Variants in ERBIN observed in about 807,000 individuals in gnomAD.
ERBIN encodes the protein erbb2 interacting protein.
ERBIN carries 60 observed loss-of-function variants against 158.4 expected under a neutral mutation model. That is an observed-to-expected ratio of 0.38 (90% CI 0.31 to 0.47). ERBIN has a LOEUF of 0.47. Ranked by LOEUF, ERBIN falls within the 20% of genes least tolerant of loss-of-function variation. The probability of loss-of-function intolerance (pLI) is 0.99; values close to 1 mark genes in which losing one functional copy is unlikely to be tolerated. For missense variants in ERBIN, 1,610 were observed against 1,648.0 expected (o/e 0.98, Z 0.40); for synonymous variants, 594 against 557.2 (o/e 1.07, Z -0.93).
chr5:66,037,298 G>A (rs1280492062), intron 14 of ERBIN, among the ~76,000 whole-genome samples: 1 of 151,990 alleles, frequency 6.6e-6, no homozygotes, highest in Admixed American at 6.6e-5. Context: ...GATTGACTAT[G>A]GAAGGTATGG....
chr5:66,058,621 C>T (rs1024932246), intron 21 of ERBIN, among the ~76,000 whole-genome samples: 4 of 150,304 alleles, frequency 2.7e-5, no homozygotes, highest in Non-Finnish European at 4.4e-5. Context: ...ATGCCTATGT[C>T]CTGAATGGTA....
intron 1 of ERBIN, among the ~76,000 whole-genome samples, chr5:65,940,993 G>C (rs1189625852): frequency 6.6e-6 from 1 of 152,116 alleles, no homozygotes; most frequent in Non-Finnish European, 1.5e-5. Context: ...TCTGCCTTGT[G>C]ATCCTGTTGA....
chr5:66,053,478 C>T lies in ERBIN; in HGVS notation c.2160C>T (p.Phe720=). 1 of 1,602,466 alleles carries T rather than the reference C, an allele frequency of 6.2e-7. No homozygotes were observed. Among genetic ancestry groups the T allele is most frequent in the Non-Finnish European group, 8.5e-7 (1 of 1,176,484 alleles). The change falls in exon 21 of 26, where the codon TTC becomes TTT. Residue 720 remains phenylalanine (F), a synonymous_variant. Coordinates refer to ENST00000284037, the MANE Select transcript of ERBIN (RefSeq NM_001253697.2). ...DILNSSTEEK[F]KAHDKKDFNL... Reference sequence around the variant, plus strand: ...TAAACAGTTCAACAGAGGAAAAGTTCAAAGCTCATGATAAAAAAGATTTTA... The same window carrying T: ...TAAACAGTTCAACAGAGGAAAAGTTTAAAGCTCATGATAAAAAAGATTTTA...
At chr5:65,968,644 T>C (rs1305590082) in intron 1 of ERBIN, among the ~76,000 whole-genome samples, 2 of 152,160 alleles carry the variant, frequency 1.3e-5, no homozygotes, top group African/African-American at 4.8e-5. Flanking sequence ...CACTGCAACC[T>C]CCACCTCCTG....
intron 3 of ERBIN, among the ~76,000 whole-genome samples, 198 bp from the exon 4 acceptor site, chr5:65,994,549 G>A (rs1284796958): frequency 6.6e-6 from 1 of 152,106 alleles, no homozygotes; most frequent in African/African-American, 2.4e-5. Context: ...TAAGGTAGAA[G>A]TATGAAGATA....
At chr5:65,988,926 T>C (rs1261511749) in intron 2 of ERBIN, among the ~76,000 whole-genome samples, 4 of 134,018 alleles carry the variant, frequency 3.0e-5, no homozygotes, top group East Asian at 4.3e-4. Context: ...GAGGCTGCAG[T>C]GAGCCAAGAT....
At chr5:65,958,655 C>T (rs1432856716) in intron 1 of ERBIN, among the ~76,000 whole-genome samples, 1 of 84,864 alleles carries the variant, frequency 1.2e-5, no homozygotes, top group Non-Finnish European at 2.2e-5. Flanking sequence ...AGAGGGAGAC[C>T]GTGAGGGAGG....
At chr5:66,065,920 A>G (rs1299884426) in intron 21 of ERBIN, among the ~76,000 whole-genome samples, 3 of 152,090 alleles carry the variant, frequency 2.0e-5, no homozygotes, top group South Asian at 2.1e-4. Context: ...CTGAGAGTTT[A>G]ATGTGATTCT....
rs994479267 is a variant in ERBIN at position 65,992,992 on chromosome 5, C to G, written c.189+85C>G. On this transcript the variant is annotated intron_variant, in intron 3 of 25. Transcript: ENST00000284037. ...TATTCCTAATATTGCTATAAAGTTG[C>G]CAATATATTTGTGTGGTTGAATTTT... is the stretch of plus-strand genomic sequence containing the variant. 7 of 1,089,192 alleles carry G rather than the reference C, an allele frequency of 6.4e-6. No individual in the cohort carries two copies. The Admixed American group carries it at 1.7e-4, about 26-fold the overall frequency. 67.5% of individuals were successfully genotyped at this position (1,089,192 alleles called of 1,614,324 possible). A position where few individuals can be genotyped will look rare whatever the true frequency, so the allele number is the denominator to read the frequency against.
In ERBIN at chr5:65,993,381, A is replaced by G. The variant is rs531309117; in HGVS notation, c.189+474A>G. The stretch of plus-strand genomic sequence containing the variant: ...TTTCCTCCATTTACAATTTGTTTGG[A>G]AAGGTTTTGGAGGACTTAACATTTC... On this transcript the variant is annotated intron_variant, in intron 3 of 25. Transcript: ENST00000284037. Among the ~76,000 whole-genome samples, 110 of 152,306 alleles carry G rather than the reference A, an allele frequency of 7.2e-4. 1 individual carries two copies. Among genetic ancestry groups the G allele is most frequent in the African/African-American group, 2.5e-3 (104 of 41,556 alleles).
At chr5:65,957,847 C>G (rs1368774042) in intron 1 of ERBIN, among the ~76,000 whole-genome samples, 1 of 151,162 alleles carries the variant, frequency 6.6e-6, no homozygotes, top group East Asian at 2.0e-4. Context: ...GGAGGGGCTC[C>G]TCACTTCTCA....
At chr5:65,956,751 A>G (rs916438405) in intron 1 of ERBIN, among the ~76,000 whole-genome samples, 1 of 152,060 alleles carries the variant, frequency 6.6e-6, no homozygotes, top group East Asian at 1.9e-4. Context: ...CAAGTTGTGC[A>G]TTTGGAAGAA....
At chr5:66,003,811 C>G (rs1561359350) in intron 4 of ERBIN, among the ~76,000 whole-genome samples, 1 of 150,996 alleles carries the variant, frequency 6.6e-6, no homozygotes, top group Non-Finnish European at 1.5e-5. Flanking sequence ...GGGGTTTTCT[C>G]TTTCTCAGAA....
At chr5:66,036,798 G>A (rs371810788) in intron 14 of ERBIN, among the ~76,000 whole-genome samples, 2 of 152,286 alleles carry the variant, frequency 1.3e-5, no homozygotes, top group East Asian at 3.9e-4. Context: ...TAGGAATTAT[G>A]GCATAGTAAT....
At chr5:66,051,292 A>G (rs1435608825) in intron 20 of ERBIN, among the ~76,000 whole-genome samples, 5 of 152,204 alleles carry the variant, frequency 3.3e-5, no homozygotes, top group African/African-American at 1.2e-4. Context: ...TTAGAAATGC[A>G]GAATCATTTT....
At chr5:65,959,339 G>A (rs1007936669) in intron 1 of ERBIN, among the ~76,000 whole-genome samples, 1 of 151,760 alleles carries the variant, frequency 6.6e-6, no homozygotes, top group Non-Finnish European at 1.5e-5. Context: ...TTTCTATGGA[G>A]GCCATCTTAT....
At chr5:65,939,277 AAAT>A (rs1744472906) in intron 1 of ERBIN, among the ~76,000 whole-genome samples, 1 of 152,074 alleles carries the variant, frequency 6.6e-6, no homozygotes, top group Non-Finnish European at 1.5e-5. Flanking sequence ...TCTCTACTAA[AAAT>A]ACGAAAATTA....
At chr5:66,065,637 G>A (rs561264314) in intron 21 of ERBIN, among the ~76,000 whole-genome samples, 4,023 of 127,418 alleles carry the variant, frequency 0.032, 256 homozygotes, top group African/African-American at 0.14. Context: ...GTGTGTGTGT[G>A]TGTGTGTGTG....
chr5:66,023,466 G>A, intron 9 of ERBIN, 102 bp downstream of exon 9: 1 of 636,692 alleles, frequency 1.6e-6, no homozygotes, highest in Non-Finnish European at 2.6e-6. Context: ...TAAAAAAATT[G>A]AATTATTCTT....
Sources: allele counts gnomAD v4.1 joint callset (sites outside exome capture counted in the v4.1 genomes callset), GRCh38; gene constraint gnomAD v4.1.1; transcripts MANE v1.5; gene names NCBI Gene and HGNC (gene_info 2026-07-23, HGNC 2026-07-21).